Variants in PLOD1 observed in about 807,000 individuals in gnomAD.
PLOD1 encodes the protein lysine hydroxylase.
Under a neutral mutation model 94.7 loss-of-function variants are expected in PLOD1, and 70 were observed. The observed-to-expected ratio is 0.74, with a 90% CI of 0.61 to 0.90. The LOEUF is 0.90. Among genes scored for constraint, PLOD1 ranks in the 40% least tolerant of loss-of-function variants. PLOD1 has a pLI of 0.00. For synonymous variants in PLOD1, 417 were observed against 400.2 expected (o/e 1.04, Z -0.50); for missense variants, 905 against 972.7 (o/e 0.93, Z 0.93).
chr1:11,943,698 G>A (rs1369994508), intron 1 of PLOD1, among the ~76,000 whole-genome samples: 4 of 152,168 alleles, frequency 2.6e-5, no homozygotes. Context: ...GGGCATGTGG[G>A]GAGGGCACAG....
intron 1 of PLOD1, among the ~76,000 whole-genome samples, chr1:11,936,183 C>T (rs907943891): frequency 6.6e-6 from 1 of 151,966 alleles, no homozygotes; most frequent in Non-Finnish European, 1.5e-5. Flanking sequence ...AAGTGACTGT[C>T]CAGGGTGGTC....
chr1:11,940,415 C>A (rs999391498), intron 1 of PLOD1, among the ~76,000 whole-genome samples: 1 of 152,288 alleles, frequency 6.6e-6, no homozygotes, highest in Middle Eastern at 3.4e-3. Context: ...GGGGAGGCAC[C>A]CTGTCGCCAG....
chr1:11,970,580 G>A, intron 16 of PLOD1, 90 bp from the exon 17 acceptor site: 1 of 1,236,948 alleles, frequency 8.1e-7, no homozygotes, highest in South Asian at 1.2e-5. Flanking sequence ...ATGTGGTCCG[G>A]TCACATTCCC....
At chr1:11,965,291 A>G (rs552718780) in intron 13 of PLOD1, among the ~76,000 whole-genome samples, 189 bp from the exon 14 acceptor site, 1 of 151,746 alleles carries the variant, frequency 6.6e-6, no homozygotes, top group African/African-American at 2.4e-5. Context: ...CCCTGATCAC[A>G]TTCTTAGTGT....
At chr1:11,961,122 G>A (rs1645775410) in intron 10 of PLOD1, among the ~76,000 whole-genome samples, 1 of 152,094 alleles carries the variant, frequency 6.6e-6, no homozygotes, top group African/African-American at 2.4e-5. Context: ...AGTGGCTCAT[G>A]CCTGTAATCC....
chr1:11,949,696 C>T (rs1420564288), intron 2 of PLOD1, 77 bp from the exon 3 acceptor site: 13 of 1,492,586 alleles, frequency 8.7e-6, no homozygotes, highest in Non-Finnish European at 1.1e-5. Flanking sequence ...CTGGGATTAC[C>T]AGCATGAGCC....
chr1:11,965,707 G>T (rs1457121134), intron 14 of PLOD1, 114 bp downstream of exon 14: 2 of 688,538 alleles, frequency 2.9e-6, no homozygotes, highest in Non-Finnish European at 2.6e-6. Flanking sequence ...TAGGCCACCT[G>T]CCACCCTCCC....
At chr1:11,961,858 G>A (rs536042143) in intron 10 of PLOD1, among the ~76,000 whole-genome samples, 37 of 152,246 alleles carry the variant, frequency 2.4e-4, no homozygotes, top group African/African-American at 8.4e-4. Context: ...GCGCGATCTC[G>A]GCTCACTGCA....
At position 11,963,926 on chromosome 1, in the gene PLOD1, G is replaced by A. The variant is rs998877433; in HGVS notation, c.1203-249G>A. 5.3e-5 allele frequency among the ~76,000 whole-genome samples: 8 copies of A among 151,872 alleles called. No individual in the cohort carries two copies. The Middle Eastern group carries it at 0.01, about 194-fold the overall frequency. On this transcript the variant is annotated intron_variant, in intron 11 of 18. Coordinates refer to ENST00000196061, the MANE Select transcript of PLOD1 (RefSeq NM_000302.4). This position sits in a 1 kb window ranked among gnomAD's most constrained non-coding sequence, Gnocchi z 4.3. Reference sequence around the variant, plus strand: ...TATTACCCAGAGCTGTGGATCCCCAGCCTGATACCCCAGGTTCTGATAGAG... The same window carrying A: ...TATTACCCAGAGCTGTGGATCCCCAACCTGATACCCCAGGTTCTGATAGAG...
intron 16 of PLOD1, among the ~76,000 whole-genome samples, chr1:11,968,454 A>G (rs1432121377): frequency 6.6e-6 from 1 of 151,958 alleles, no homozygotes; most frequent in African/African-American, 2.4e-5. Context: ...GTCTCCTGAC[A>G]GTTTTACAAC....
chr1:11,965,231 CT>C (rs1645807443), intron 13 of PLOD1, among the ~76,000 whole-genome samples: 1 of 151,340 alleles, frequency 6.6e-6, no homozygotes. Flanking sequence ...CGCTCCTTTT[CT>C]TTTACGCATT....
intron 2 of PLOD1, among the ~76,000 whole-genome samples, chr1:11,948,821 AT>A (rs1645676173): frequency 6.6e-6 from 1 of 152,322 alleles, no homozygotes; most frequent in East Asian, 1.9e-4. Flanking sequence ...TGTGCAGTCC[AT>A]GGGGCTGAGC....
chr1:11,945,622 C>T (rs990346230), intron 1 of PLOD1, among the ~76,000 whole-genome samples: 4 of 152,086 alleles, frequency 2.6e-5, no homozygotes, highest in African/African-American at 9.7e-5. Flanking sequence ...AGTATATCAC[C>T]CGCCAGATCA....
At chr1:11,943,914 C>T (rs779340076) in intron 1 of PLOD1, among the ~76,000 whole-genome samples, 3 of 152,044 alleles carry the variant, frequency 2.0e-5, no homozygotes, top group South Asian at 2.1e-4. Context: ...ACTGGAAAGT[C>T]GGGGGTTAGT....
chr1:11,953,068 AT>A (rs899499287), intron 5 of PLOD1, among the ~76,000 whole-genome samples: 1 of 151,790 alleles, frequency 6.6e-6, no homozygotes, highest in Non-Finnish European at 1.5e-5. Flanking sequence ...CTATTTTTTT[AT>A]TTTTGGGATG....
chr1:11,955,219 G>C (rs998759113), intron 6 of PLOD1, among the ~76,000 whole-genome samples: 1 of 152,246 alleles, frequency 6.6e-6, no homozygotes, highest in African/African-American at 2.4e-5. Flanking sequence ...CACCTTCCAG[G>C]TGAAGGAGTC....
chr1:11,941,374 C>G (rs141030027), intron 1 of PLOD1, among the ~76,000 whole-genome samples: 2 of 151,962 alleles, frequency 1.3e-5, no homozygotes, highest in East Asian at 3.9e-4. Flanking sequence ...CTCTGTCACC[C>G]GGGCTGGGGT....
rs5772479 is a variant in PLOD1, at chr1:11,944,422, TACACACACAC to T, written c.77-3531_77-3522del. On this transcript the variant is annotated intron_variant, in intron 1 of 18. Transcript: ENST00000196061. The stretch of plus-strand genomic sequence containing the variant: ...GAATCCTGAATTGCGCATGCACGCG[TACACACACAC>T]ACACACACACACACACACACACTCA... 695 of 476,874 alleles carry T rather than the reference TACACACACAC, an allele frequency of 1.5e-3. 2 individuals are homozygous for T. Among genetic ancestry groups the T allele is most frequent in the African/African-American group, 0.011 (530 of 47,520 alleles). 29.5% of individuals were successfully genotyped at this position (476,874 alleles called of 1,614,324 possible). A position where few individuals can be genotyped will look rare whatever the true frequency, so the allele number is the denominator to read the frequency against.
At position 11,966,326 on chromosome 1, in the gene PLOD1, A is replaced by T. The variant is rs1241367358; in HGVS notation, c.1650+10A>T. ...GAAGCTGGTGGAGACGGTAAGGGCCATGGACACCCTCTTGGACCAGCCTTG... is the reference window on the plus strand; with the variant it reads ...GAAGCTGGTGGAGACGGTAAGGGCCTTGGACACCCTCTTGGACCAGCCTTG... On this transcript the variant is annotated intron_variant, in intron 15 of 18. Coordinates refer to ENST00000196061, the MANE Select transcript of PLOD1 (RefSeq NM_000302.4). The T allele has an allele frequency of 6.3e-7, 1 of 1,590,276 alleles. No homozygotes were observed. The highest frequency in any genetic ancestry group is 2.3e-5 in the East Asian group (1 of 43,878).
Sources: allele counts gnomAD v4.1 joint callset (sites outside exome capture counted in the v4.1 genomes callset), GRCh38; gene constraint gnomAD v4.1.1; non-coding constraint Gnocchi (gnomAD v3.1); transcripts MANE v1.5; gene names NCBI Gene and HGNC (gene_info 2026-07-23, HGNC 2026-07-21).